The following STX18 variants were observed in gnomAD, a reference collection of about 807,000 sequenced individuals.
STX18 encodes the protein syntaxin-18.
In STX18, 40 loss-of-function variants were observed where a neutral mutation model predicts 50.1. The observed-to-expected ratio is 0.80, with a 90% CI of 0.62 to 1.04. STX18 has a LOEUF of 1.04. Ranked by LOEUF, STX18 falls within the 50% of genes least tolerant of loss-of-function variation. The pLI, the probability that STX18 is intolerant of heterozygous loss-of-function variation, is 0.00. For synonymous variants in STX18, 158 were observed against 151.8 expected (o/e 1.04, Z -0.30); for missense variants, 410 against 415.8 (o/e 0.99, Z 0.12).
At position 4,459,449 on chromosome 4, in the gene STX18, T is replaced by C; in HGVS notation, c.275A>G (p.Glu92Gly). 1 of 1,614,152 alleles carries C rather than the reference T, an allele frequency of 6.2e-7. No individual in the cohort carries two copies. Among genetic ancestry groups the C allele is most frequent in the South Asian group, 1.1e-5 (1 of 91,084 alleles). The change falls in exon 3 of 11, where the codon GAA becomes GGA. Residue 92 changes from glutamate to glycine, a missense_variant. By Grantham distance (98) the Glu-to-Gly change is moderately conservative. Coordinates refer to ENST00000306200, the MANE Select transcript of STX18 (RefSeq NM_016930.4). The stretch of plus-strand genomic sequence containing the variant: ...GGCATCCTGGTCTATCTGGTCTCGT[T>C]CTGTGTCTGTCATCCTCCCATATTC... ...MSEYGRMTDT[E>G]RDQIDQDAQI...
chr4:4,534,187 G>C lies in STX18; in HGVS notation c.168+7610C>G, dbSNP rs185226449. 2.9e-3 allele frequency among the ~76,000 whole-genome samples: 443 copies of C among 152,290 alleles called. 3 individuals carry two copies. The highest frequency in any genetic ancestry group is 0.01 in the African/African-American group (422 of 41,544). On this transcript the variant is annotated intron_variant, in intron 1 of 10. Coordinates refer to ENST00000306200, the MANE Select transcript of STX18 (RefSeq NM_016930.4). ...TGTGGCAAAGCTGAAGGACCCCATT[G>C]AGTTCCTCAATCCAGGTTTATCAGT...
At chr4:4,451,609 A>G (rs904027492) in intron 5 of STX18, among the ~76,000 whole-genome samples, 11 of 152,164 alleles carry the variant, frequency 7.2e-5, no homozygotes, top group African/African-American at 2.2e-4. Flanking sequence ...CATTATTATT[A>G]TATTTCTGAT....
At chr4:4,492,249 A>G (rs996375350) in intron 1 of STX18, among the ~76,000 whole-genome samples, 4 of 152,188 alleles carry the variant, frequency 2.6e-5, no homozygotes, top group African/African-American at 9.6e-5. Flanking sequence ...TTAAAATCAG[A>G]GCTCATTCTT....
chr4:4,507,636 G>A (rs773454757), intron 1 of STX18: 165 of 772,346 alleles, frequency 2.1e-4, no homozygotes, highest in Admixed American at 4.6e-4. Context: ...GAGAATTCAC[G>A]TGAACTGGAT....
rs116657424 is a variant in STX18, at chr4:4,455,032, G to A, written c.497+2159C>T. 6.2e-3 allele frequency among the ~76,000 whole-genome samples: 950 copies of A among 152,280 alleles called. 14 individuals are homozygous for A. Among genetic ancestry groups the A allele is most frequent in the African/African-American group, 0.022 (902 of 41,562 alleles). ...ATGAGTTTTCCCATTTTATAGGTAA[G>A]GAAACAAAAGCCCAGAAAAGTTAAG... On this transcript the variant is annotated intron_variant, in intron 5 of 10. Coordinates refer to ENST00000306200, the MANE Select transcript of STX18 (RefSeq NM_016930.4).
chr4:4,438,345 C>G, intron 6 of STX18, 49 bp downstream of exon 6: 1 of 1,413,186 alleles, frequency 7.1e-7, no homozygotes, highest in Non-Finnish European at 1.0e-6. Flanking sequence ...CTCTTGCCAA[C>G]ATGTCACAAG....
intron 7 of STX18, among the ~76,000 whole-genome samples, chr4:4,432,166 G>C (rs768238508): frequency 1.3e-5 from 2 of 152,196 alleles, no homozygotes; most frequent in Non-Finnish European, 2.9e-5. Flanking sequence ...CTCTGAAGGA[G>C]AACCCCCAAA....
chr4:4,504,584 G>C (rs1323004787), intron 1 of STX18, among the ~76,000 whole-genome samples: 1 of 151,992 alleles, frequency 6.6e-6, no homozygotes, highest in Non-Finnish European at 1.5e-5. Flanking sequence ...CAAAGGACTT[G>C]TTGTTCAGAA....
At chr4:4,484,028 ATT>A (rs58667313) in intron 1 of STX18, among the ~76,000 whole-genome samples, 1 of 151,940 alleles carries the variant, frequency 6.6e-6, no homozygotes, top group South Asian at 2.1e-4. Context: ...TGCCCAGCTA[ATT>A]TTTTTGTATT....
At chr4:4,492,709 C>T (rs1272692885) in intron 1 of STX18, among the ~76,000 whole-genome samples, 1 of 152,138 alleles carries the variant, frequency 6.6e-6, no homozygotes, top group African/African-American at 2.4e-5. Flanking sequence ...TTCTGCTTAT[C>T]ACCATATGAC....
intron 9 of STX18, among the ~76,000 whole-genome samples, chr4:4,422,035 GC>G (rs756412499): frequency 2.6e-5 from 4 of 152,132 alleles, no homozygotes; most frequent in Non-Finnish European, 5.9e-5. Flanking sequence ...ATGAATGCTA[GC>G]GTGGGTTTTT....
intron 1 of STX18, among the ~76,000 whole-genome samples, chr4:4,515,154 A>C (rs1730191992): frequency 6.6e-6 from 1 of 152,120 alleles, no homozygotes; most frequent in South Asian, 2.1e-4. Flanking sequence ...GGATAGTGAG[A>C]CCTAAATGAA....
At chr4:4,456,922 G>C (rs1285385836) in intron 5 of STX18, among the ~76,000 whole-genome samples, 1 of 152,164 alleles carries the variant, frequency 6.6e-6, no homozygotes, top group Non-Finnish European at 1.5e-5. Context: ...TGGGATCTAG[G>C]GTGAGTGGCC....
chr4:4,526,419 G>A (rs1003066283), intron 1 of STX18, among the ~76,000 whole-genome samples: 1 of 152,200 alleles, frequency 6.6e-6, no homozygotes, highest in Non-Finnish European at 1.5e-5. Flanking sequence ...CAGGAAAAGG[G>A]AGAATGACAG....
intron 5 of STX18, among the ~76,000 whole-genome samples, chr4:4,448,756 T>A (rs1323111848): frequency 6.6e-6 from 1 of 152,232 alleles, no homozygotes; most frequent in African/African-American, 2.4e-5. Flanking sequence ...GTGCCTGGCA[T>A]GAAGCCTGGC....
At chr4:4,457,113 A>T in intron 5 of STX18, 78 bp downstream of exon 5, 1 of 1,320,028 alleles carries the variant, frequency 7.6e-7, no homozygotes, top group Non-Finnish European at 1.1e-6. Flanking sequence ...TGCATAGGGT[A>T]AGTGCTCTAC....
At chr4:4,532,138 G>A (rs1345946087) in intron 1 of STX18, among the ~76,000 whole-genome samples, 1 of 152,206 alleles carries the variant, frequency 6.6e-6, no homozygotes. Context: ...CCCCAAGGAA[G>A]AGGGGAGGGC....
intron 1 of STX18, chr4:4,477,849 A>C (rs915810632): frequency 8.5e-5 from 13 of 152,202 alleles, no homozygotes; most frequent in African/African-American, 2.9e-4. Flanking sequence ...CATGCAGTAC[A>C]TGCTTGATTT....
chr4:4,504,148 C>T (rs1729586863), intron 1 of STX18, among the ~76,000 whole-genome samples: 1 of 152,126 alleles, frequency 6.6e-6, no homozygotes, highest in Non-Finnish European at 1.5e-5. Context: ...AACAGAGGAA[C>T]AGCGTTTGTA....
Sources: gnomAD v4.1 joint callset for allele counts (sites outside exome capture counted in the v4.1 genomes callset) on GRCh38, gnomAD v4.1.1 for gene constraint, MANE v1.5 for transcripts, NCBI Gene and HGNC (gene_info 2026-07-23, HGNC 2026-07-21) for gene names.